APP: variants seen among roughly 807,000 people sequenced by gnomAD.
The protein encoded by APP is amyloid-beta precursor protein.
APP carries 31 observed loss-of-function variants against 101.4 expected under a neutral mutation model. The observed-to-expected ratio is 0.31, with a 90% CI of 0.23 to 0.41. The LOEUF (loss-of-function observed/expected upper bound fraction) is 0.41. APP is among the 10% of genes least tolerant of loss of function. The pLI, the probability that APP is intolerant of heterozygous loss-of-function variation, is 1.00. For synonymous variants in APP, 366 were observed against 364.4 expected, an observed-to-expected ratio of 1.00 and a Z score of -0.05; for missense variants, 839 against 1,003.7, an observed-to-expected ratio of 0.84 and a Z score of 2.22.
chr21:26,136,617 G>C (rs1365243622), intron 1 of APP, among the ~76,000 whole-genome samples: 2 of 152,000 alleles, frequency 1.3e-5, no homozygotes, highest in Non-Finnish European at 2.9e-5. Context: ...ATTTACCTTA[G>C]TCCACCTCAT....
chr21:26,013,313 T>C (rs1185624485), intron 6 of APP, among the ~76,000 whole-genome samples: 1 of 152,074 alleles, frequency 6.6e-6, no homozygotes, highest in Non-Finnish European at 1.5e-5. Flanking sequence ...AAAAACTCCA[T>C]CTTAAAAACA....
At chr21:26,092,614 T>C (rs1568964493) in intron 2 of APP, among the ~76,000 whole-genome samples, 2 of 152,192 alleles carry the variant, frequency 1.3e-5, no homozygotes, top group Non-Finnish European at 2.9e-5. Flanking sequence ...CATATGTCAT[T>C]ATACATTTGT....
chr21:26,171,116 T>G (rs941786178), upstream of APP: 3 of 153,042 alleles, frequency 2.0e-5, no homozygotes, highest in Admixed American at 6.5e-5. Context: ...CCCGTGAGCT[T>G]GAATCATCCG....
intron 3 of APP, among the ~76,000 whole-genome samples, chr21:26,078,719 G>T (rs1297801772): frequency 6.6e-6 from 1 of 152,148 alleles, no homozygotes; most frequent in Non-Finnish European, 1.5e-5. Context: ...CAGCTGTCTG[G>T]AAAGTTATTT....
At position 26,024,327 on chromosome 21, in the gene APP, G is replaced by A. The variant is rs1307897319; in HGVS notation, c.663-2285C>T. ...TACCCAGAAGGAAAAAAAAAAGCGAGAGGGAGAAAGCAGAAGGGAATTATT... is the reference window on the plus strand; with the variant it reads ...TACCCAGAAGGAAAAAAAAAAGCGAAAGGGAGAAAGCAGAAGGGAATTATT... On this transcript the variant is annotated intron_variant, in intron 5 of 17. Transcript: ENST00000346798. Among the ~76,000 whole-genome samples the A allele has an allele frequency of 6.6e-5, 10 of 152,198 alleles. No homozygotes were observed. In the East Asian group the frequency reaches 1.9e-3, roughly 29 times the overall value.
At chr21:25,937,201 T>C (rs1209433633) in intron 13 of APP, among the ~76,000 whole-genome samples, 2 of 152,152 alleles carry the variant, frequency 1.3e-5, no homozygotes, top group African/African-American at 4.8e-5. Context: ...TGTATTTACT[T>C]TGAAGGAACA....
intron 9 of APP, among the ~76,000 whole-genome samples, chr21:25,978,966 A>G (rs1332560556): frequency 6.6e-6 from 1 of 152,182 alleles, no homozygotes. Flanking sequence ...AAGAAAAGAA[A>G]TAAAAACCTA....
At chr21:26,105,676 A>G (rs1433520632) in intron 2 of APP, among the ~76,000 whole-genome samples, 1 of 152,248 alleles carries the variant, frequency 6.6e-6, no homozygotes, top group Non-Finnish European at 1.5e-5. Context: ...ATATCTATAA[A>G]GAATGTTCTA....
intron 3 of APP, among the ~76,000 whole-genome samples, chr21:26,088,653 T>C (rs935030983): frequency 6.6e-6 from 1 of 152,196 alleles, no homozygotes; most frequent in African/African-American, 2.4e-5. Context: ...GACAGATGAC[T>C]TCTATATTTT....
chr21:25,929,432 CTT>C (rs1006615609), intron 13 of APP, among the ~76,000 whole-genome samples: 94 of 151,914 alleles, frequency 6.2e-4, no homozygotes, highest in African/African-American at 2.2e-3. Flanking sequence ...ATTTTCGTCT[CTT>C]TATCACTTTA....
intron 3 of APP, among the ~76,000 whole-genome samples, chr21:26,056,791 T>C (rs937221805): frequency 1.3e-5 from 2 of 152,156 alleles, no homozygotes; most frequent in Non-Finnish European, 1.5e-5. Flanking sequence ...AATGGCAAAA[T>C]AGAAACCTCA....
chr21:26,097,876 C>G (rs1032928009), intron 2 of APP, among the ~76,000 whole-genome samples: 13 of 151,898 alleles, frequency 8.6e-5, no homozygotes, highest in African/African-American at 2.9e-4. Context: ...GTCAGTAGAT[C>G]GAGACCATCC....
At chr21:25,915,300 C>T (rs1230390697) in intron 13 of APP, among the ~76,000 whole-genome samples, 2 of 152,242 alleles carry the variant, frequency 1.3e-5, no homozygotes, top group Non-Finnish European at 2.9e-5. Flanking sequence ...TCTTTAGAGC[C>T]CAGCTCAAAT....
At chr21:25,893,134 C>G (rs776181339) in intron 16 of APP, among the ~76,000 whole-genome samples, 10 of 152,068 alleles carry the variant, frequency 6.6e-5, no homozygotes, top group Non-Finnish European at 8.8e-5. Context: ...TTTGATGTTA[C>G]TATTTTAATT....
intron 1 of APP, among the ~76,000 whole-genome samples, chr21:26,156,293 A>G (rs559820113): frequency 4.1e-4 from 63 of 152,324 alleles, no homozygotes; most frequent in African/African-American, 1.5e-3. Flanking sequence ...CGTTGCAACT[A>G]ATTTTTGCAA....
intron 1 of APP, among the ~76,000 whole-genome samples, chr21:26,124,253 G>T (rs1010242561): frequency 6.6e-6 from 1 of 152,144 alleles, no homozygotes; most frequent in Non-Finnish European, 1.5e-5. Context: ...GTGGCACCAG[G>T]AGAGTAATTT....
chr21:26,165,362 C>G (rs376783229), intron 1 of APP, among the ~76,000 whole-genome samples: 1 of 152,288 alleles, frequency 6.6e-6, no homozygotes, highest in African/African-American at 2.4e-5. Context: ...GATATTAATT[C>G]GATCCTCAAT....
At chr21:26,000,285 G>T in intron 6 of APP, 103 bp from the exon 7 acceptor site, 1 of 1,447,880 alleles carries the variant, frequency 6.9e-7, no homozygotes, top group Non-Finnish European at 9.5e-7. Flanking sequence ...GTGGCAACCT[G>T]GACTGGTTTA....
intron 1 of APP, among the ~76,000 whole-genome samples, chr21:26,133,556 C>A (rs745783137): frequency 6.6e-6 from 1 of 151,896 alleles, no homozygotes; most frequent in South Asian, 2.1e-4. Context: ...GAGGCCGAGG[C>A]GGGTGGGATC....
Sources: allele counts gnomAD v4.1 joint callset (sites outside exome capture counted in the v4.1 genomes callset), GRCh38; gene constraint gnomAD v4.1.1; transcripts MANE v1.5; gene names NCBI Gene and HGNC (gene_info 2026-07-23, HGNC 2026-07-21).